CDH13: variants seen among roughly 807,000 people sequenced by gnomAD.
The protein encoded by CDH13 is cadherin-13.
Under a neutral mutation model 63.8 loss-of-function variants are expected in CDH13, and 24 were observed. The ratio of observed to expected loss-of-function variants is 0.38; its 90% CI spans 0.27 to 0.53. CDH13 has a LOEUF of 0.53. CDH13 is among the 20% of genes least tolerant of loss of function. CDH13 has a pLI of 0.85. For synonymous variants in CDH13, 503 were observed against 355.3 expected (o/e 1.42, Z -4.67); for missense variants, 1,049 against 903.1 (o/e 1.16, Z -2.07).
At chr16:82,973,630 C>T (rs146914447) in intron 2 of CDH13, among the ~76,000 whole-genome samples, 2 of 152,330 alleles carry the variant, frequency 1.3e-5, no homozygotes, top group African/African-American at 4.8e-5. Flanking sequence ...CCTGCCCTCA[C>T]TGAACTGTGC....
Position 82,672,128 on chromosome 16 carries a change from C to T in CDH13, c.45+44991C>T, listed in dbSNP as rs528047893. ...GGGCCGATTGGATTTCAAATTCTAA[C>T]TCAGTAACTTCCCAACTGTGAGTTT... On this transcript the variant is annotated intron_variant, in intron 1 of 13. Transcript: ENST00000567109. Among the ~76,000 whole-genome samples, 3 of 152,322 alleles carry T rather than the reference C, an allele frequency of 2.0e-5. No individual in the cohort carries two copies. The South Asian group carries it at 6.2e-4, about 32-fold the overall frequency.
chr16:82,775,769 G>A (rs1270688824), intron 1 of CDH13, among the ~76,000 whole-genome samples: 1 of 152,204 alleles, frequency 6.6e-6, no homozygotes, highest in African/African-American at 2.4e-5. Flanking sequence ...GCCAGGCACA[G>A]TGTACACCCT....
chr16:83,032,392 T>A, intron 3 of CDH13, 174 bp downstream of exon 3: 1 of 593,512 alleles, frequency 1.7e-6, no homozygotes, highest in Non-Finnish European at 3.0e-6. Flanking sequence ...CGGGAATTAA[T>A]TGATTCATGT....
intron 10 of CDH13, among the ~76,000 whole-genome samples, chr16:83,685,444 T>C (rs865883065): frequency 6.6e-6 from 1 of 152,180 alleles, no homozygotes; most frequent in Admixed American, 6.5e-5. Context: ...TAAAGACTAG[T>C]GCTAGAGAAG....
At chr16:83,279,351 T>C (rs1024153202) in intron 5 of CDH13, among the ~76,000 whole-genome samples, 2 of 152,194 alleles carry the variant, frequency 1.3e-5, no homozygotes, top group African/African-American at 4.8e-5. Context: ...AGTTTGAATT[T>C]AAAATAGTCA....
intron 5 of CDH13, among the ~76,000 whole-genome samples, chr16:83,246,043 C>T (rs1048830922): frequency 2.6e-5 from 4 of 152,154 alleles, no homozygotes; most frequent in Non-Finnish European, 4.4e-5. Flanking sequence ...GGCCCAAATT[C>T]CTATTTCTTG....
At chr16:82,703,666 G>A (rs1457521656) in intron 1 of CDH13, among the ~76,000 whole-genome samples, 1 of 152,070 alleles carries the variant, frequency 6.6e-6, no homozygotes, top group African/African-American at 2.4e-5. Context: ...CTTAAGACAA[G>A]GGAGAATGGT....
intron 1 of CDH13, among the ~76,000 whole-genome samples, chr16:82,848,882 A>T (rs562953280): frequency 3.9e-5 from 6 of 152,362 alleles, no homozygotes; most frequent in Non-Finnish European, 8.8e-5. Context: ...AGGTAGGCTG[A>T]AAGCTAGGTT....
rs1391377639 is a variant in CDH13 at position 83,797,594 on chromosome 16, T to G, written c.*2564T>G. ...TAGCATTTCCTGAATCATAAGATGT[T>G]TTGTTCATTTGCTGGAATATATTAC... On this transcript the variant is annotated 3_prime_UTR_variant, in exon 14 of 14. Transcript: ENST00000567109. 1 of 152,224 alleles carries G rather than the reference T, an allele frequency of 6.6e-6. No homozygotes were observed. Among genetic ancestry groups the G allele is most frequent in the African/African-American group, 2.4e-5 (1 of 41,458 alleles). 9.4% of individuals were successfully genotyped at this position (152,224 alleles called of 1,614,324 possible).
chr16:83,442,582 A>G (rs1255490843), intron 6 of CDH13, among the ~76,000 whole-genome samples: 1 of 152,090 alleles, frequency 6.6e-6, no homozygotes, highest in East Asian at 1.9e-4. Context: ...TTATAGATTT[A>G]TAGTCAATAC....
chr16:83,078,536 C>G (rs982571139), intron 3 of CDH13, among the ~76,000 whole-genome samples: 7 of 152,196 alleles, frequency 4.6e-5, no homozygotes, highest in African/African-American at 1.4e-4. Flanking sequence ...GGCAGTAATG[C>G]TCACTTGTCA....
Position 83,542,757 on chromosome 16 carries a change from T to A in CDH13, c.960+56102T>A, listed in dbSNP as rs141087762. Among the ~76,000 whole-genome samples, 62 of 152,346 alleles carry A rather than the reference T, an allele frequency of 4.1e-4. No homozygotes were observed. In the East Asian group the frequency reaches 0.011, roughly 28 times the overall value. ...CTTTACACGGCTGTCTCCGTGTGTG[T>A]CTTCACATTGTTTTCCTTGTCTGAA... On this transcript the variant is annotated intron_variant, in intron 7 of 13. Transcript: ENST00000567109.
intron 7 of CDH13, among the ~76,000 whole-genome samples, chr16:83,488,121 C>T (rs1273416219): frequency 6.6e-6 from 1 of 152,178 alleles, no homozygotes; most frequent in Non-Finnish European, 1.5e-5. Flanking sequence ...TAATTGAAAT[C>T]AAGATGTAAA....
chr16:82,907,925 C>A (rs1472744765), intron 2 of CDH13, among the ~76,000 whole-genome samples: 1 of 152,120 alleles, frequency 6.6e-6, no homozygotes, highest in Non-Finnish European at 1.5e-5. Context: ...AAAAAATTAG[C>A]TTCTTCAAAA....
chr16:83,659,442 G>C (rs537385985), intron 8 of CDH13, among the ~76,000 whole-genome samples: 16 of 152,370 alleles, frequency 1.1e-4, no homozygotes, highest in Admixed American at 6.5e-4. Flanking sequence ...ACACAAGTTA[G>C]AATGTGCCAT....
At chr16:82,932,398 G>T (rs2042526005) in intron 2 of CDH13, among the ~76,000 whole-genome samples, 1 of 152,132 alleles carries the variant, frequency 6.6e-6, no homozygotes, top group Non-Finnish European at 1.5e-5. Flanking sequence ...GAGGTAAAGA[G>T]ATTATTTTTG....
chr16:83,783,104 A>G, intron 12 of CDH13, 150 bp from the exon 13 acceptor site: 1 of 640,100 alleles, frequency 1.6e-6, no homozygotes, highest in Non-Finnish European at 2.8e-6. Context: ...TGGTATTTTC[A>G]CTTGATGTTA....
chr16:82,887,852 A>G (rs1454187982), intron 2 of CDH13, among the ~76,000 whole-genome samples: 1 of 151,992 alleles, frequency 6.6e-6, no homozygotes, highest in Non-Finnish European at 1.5e-5. Context: ...AGAGTGTCTC[A>G]AGGGTTTTTT....
At chr16:82,752,155 T>A (rs2034442714) in intron 1 of CDH13, among the ~76,000 whole-genome samples, 1 of 152,198 alleles carries the variant, frequency 6.6e-6, no homozygotes, top group Admixed American at 6.5e-5. Context: ...GGACAATCAA[T>A]ACATGAGCCT....
Sources: allele counts gnomAD v4.1 joint callset (sites outside exome capture counted in the v4.1 genomes callset), GRCh38; gene constraint gnomAD v4.1.1; transcripts MANE v1.5; gene names NCBI Gene and HGNC (gene_info 2026-07-23, HGNC 2026-07-21).